Variants in DCAF1 observed in about 807,000 individuals in gnomAD.
The protein encoded by DCAF1 is DDB1- and CUL4-associated factor 1.
Under a neutral mutation model 128.0 loss-of-function variants are expected in DCAF1, and 15 were observed. That is an observed-to-expected ratio of 0.12 (90% CI 0.08 to 0.18). The LOEUF (loss-of-function observed/expected upper bound fraction) is 0.18. DCAF1 is among the 10% of genes least tolerant of loss of function. The probability of loss-of-function intolerance (pLI) is 1.00; values close to 1 mark genes in which losing one functional copy is unlikely to be tolerated. For missense variants in DCAF1, 988 were observed against 1,649.5 expected, an observed-to-expected ratio of 0.60 and a Z score of 6.95; for synonymous variants, 610 against 603.0, an observed-to-expected ratio of 1.01 and a Z score of -0.17.
At chr3:51,468,870 C>T (rs919891044) in intron 4 of DCAF1, among the ~76,000 whole-genome samples, 7 of 152,192 alleles carry the variant, frequency 4.6e-5, no homozygotes, top group African/African-American at 1.4e-4. Flanking sequence ...AATCCATCTC[C>T]AGGCAATGAC....
intron 3 of DCAF1, among the ~76,000 whole-genome samples, chr3:51,478,629 T>C (rs1188412485): frequency 6.6e-6 from 1 of 152,144 alleles, no homozygotes; most frequent in Non-Finnish European, 1.5e-5. Flanking sequence ...TCTTGTTTAA[T>C]AGTTGGTGTT....
chr3:51,458,376 T>C (rs1418624992), intron 6 of DCAF1, among the ~76,000 whole-genome samples: 4 of 152,138 alleles, frequency 2.6e-5, no homozygotes, highest in Non-Finnish European at 5.9e-5. Context: ...ATCCTAAATA[T>C]ATATGCACCC....
chr3:51,429,193 A>C (rs1700163366), intron 12 of DCAF1, 68 bp downstream of exon 12: 19 of 709,050 alleles, frequency 2.7e-5, no homozygotes, highest in South Asian at 2.5e-4. Flanking sequence ...TCTGAATGTG[A>C]GTTTCAGGAC....
At chr3:51,484,327 TC>T (rs1706655995) in intron 2 of DCAF1, among the ~76,000 whole-genome samples, 1 of 151,564 alleles carries the variant, frequency 6.6e-6, no homozygotes, top group South Asian at 2.1e-4. Context: ...ACAAAAATTA[TC>T]TGGACATGGT....
chr3:51,465,616 T>C (rs1009219620), intron 5 of DCAF1, among the ~76,000 whole-genome samples: 5 of 151,878 alleles, frequency 3.3e-5, no homozygotes, highest in Non-Finnish European at 7.4e-5. Flanking sequence ...TGGTGGTGCA[T>C]CCCTTGTAGT....
Position 51,483,853 on chromosome 3 carries a change from A to T in DCAF1, c.-8-17T>A, listed in dbSNP as rs1553654115. 6.4e-7 allele frequency: 1 copy of T among 1,552,600 alleles called. No individual in the cohort carries two copies. ...TGGCTTTGCCTAAGGAAGCAAAAAT[A>T]AAAATAAAAAAGACAACCAATAAAT... On this transcript the variant is annotated splice_polypyrimidine_tract_variant and intron_variant, in intron 2 of 24. Transcript: ENST00000684031.
chr3:51,409,732 A>ATATC (rs1224915347), intron 23 of DCAF1, among the ~76,000 whole-genome samples: 1 of 152,224 alleles, frequency 6.6e-6, no homozygotes, highest in Non-Finnish European at 1.5e-5. Context: ...GTTTCATGAT[A>ATATC]GCTAATGTGA....
intron 6 of DCAF1, among the ~76,000 whole-genome samples, chr3:51,447,144 T>C (rs1577176600): frequency 2.0e-5 from 3 of 151,842 alleles, no homozygotes; most frequent in Non-Finnish European, 2.9e-5. Context: ...TGGTGGCTCA[T>C]GCCTGTAATC....
At chr3:51,488,584 C>A (rs1707247555) in intron 2 of DCAF1, among the ~76,000 whole-genome samples, 1 of 152,138 alleles carries the variant, frequency 6.6e-6, no homozygotes, top group Non-Finnish European at 1.5e-5. Flanking sequence ...AGGCAGATCA[C>A]CTGAGGTCAG....
chr3:51,478,575 A>G (rs1705768792), intron 3 of DCAF1, among the ~76,000 whole-genome samples: 1 of 152,194 alleles, frequency 6.6e-6, no homozygotes, highest in Admixed American at 6.6e-5. Context: ...TGTTAACAGC[A>G]CAATATTTAA....
At chr3:51,503,426 A>T (rs2108658222), upstream of DCAF1, among the ~76,000 whole-genome samples, 1 of 151,560 alleles carries the variant, frequency 6.6e-6, no homozygotes, top group Admixed American at 6.6e-5. Flanking sequence ...CACTCCCAGC[A>T]CCTCCTTCTA....
chr3:51,457,986 T>C (rs1703112034), intron 6 of DCAF1, among the ~76,000 whole-genome samples: 2 of 152,174 alleles, frequency 1.3e-5, no homozygotes, highest in African/African-American at 4.8e-5. Context: ...CCATTAACGC[T>C]AGGAAGAAAC....
chr3:51,431,551 AAG>A (rs1422957091), intron 10 of DCAF1, among the ~76,000 whole-genome samples: 1 of 151,806 alleles, frequency 6.6e-6, no homozygotes, highest in African/African-American at 2.4e-5. Context: ...TTATATATGA[AAG>A]AGTCTTAACT....
chr3:51,405,301 G>C (rs1553626260), intron 23 of DCAF1, among the ~76,000 whole-genome samples: 2 of 152,158 alleles, frequency 1.3e-5, no homozygotes. Flanking sequence ...TTGAGGCTTA[G>C]CTGATCTAGA....
intron 3 of DCAF1, among the ~76,000 whole-genome samples, chr3:51,475,851 A>G (rs1335098945): frequency 2.0e-5 from 3 of 151,270 alleles, no homozygotes; most frequent in African/African-American, 7.3e-5. Flanking sequence ...ACAGAGCGAG[A>G]CTATGTCTCA....
chr3:51,409,580 C>A (rs1698215326), intron 23 of DCAF1, among the ~76,000 whole-genome samples: 1 of 152,172 alleles, frequency 6.6e-6, no homozygotes, highest in South Asian at 2.1e-4. Context: ...TCCAAGAAGC[C>A]TGATTCAGAA....
intron 4 of DCAF1, 43 bp downstream of exon 4, chr3:51,470,886 A>G: frequency 7.1e-7 from 1 of 1,417,758 alleles, no homozygotes; most frequent in Non-Finnish European, 9.6e-7. Flanking sequence ...AAAGTGTCTT[A>G]AAAGAAAAAA....
At chr3:51,428,305 A>G (rs1250715586) in intron 12 of DCAF1, among the ~76,000 whole-genome samples, 1 of 146,140 alleles carries the variant, frequency 6.8e-6, no homozygotes, top group Non-Finnish European at 1.5e-5. Flanking sequence ...CCTCCCAAGT[A>G]GCTGACACAG....
intron 6 of DCAF1, 50 bp from the exon 7 acceptor site, chr3:51,443,953 T>C: frequency 6.6e-7 from 1 of 1,513,794 alleles, no homozygotes; most frequent in Non-Finnish European, 8.8e-7. Flanking sequence ...CCCAAGTTCA[T>C]GATTAACAAT....
Sources: gnomAD v4.1 joint callset for allele counts (sites outside exome capture counted in the v4.1 genomes callset) on GRCh38, gnomAD v4.1.1 for gene constraint, MANE v1.5 for transcripts, NCBI Gene and HGNC (gene_info 2026-07-23, HGNC 2026-07-21) for gene names.